Variants in TBL1XR1 observed in about 807,000 individuals in gnomAD.
TBL1XR1 encodes the protein F-box-like/WD repeat-containing protein TBL1XR1.
Under a neutral mutation model 66.9 loss-of-function variants are expected in TBL1XR1, and 5 were observed. The observed-to-expected ratio is 0.07, with a 90% confidence interval of 0.04 to 0.16. The LOEUF (loss-of-function observed/expected upper bound fraction) is 0.16, where lower values mean the gene tolerates loss of function less well. Among genes scored for constraint, TBL1XR1 ranks in the 10% least tolerant of loss-of-function variants. The pLI is 1.00. For synonymous variants in TBL1XR1, 210 were observed against 206.0 expected (o/e 1.02, Z -0.17); for missense variants, 238 against 623.2 (o/e 0.38, Z 6.58).
At chr3:177,198,637 G>A (rs1269347358), upstream of TBL1XR1, among the ~76,000 whole-genome samples, 3 of 152,130 alleles carry the variant, frequency 2.0e-5, no homozygotes, top group Non-Finnish European at 4.4e-5. Flanking sequence ...TTAGAGCTTT[G>A]TATAAGCTCA....
At chr3:177,195,471 A>ACAG in intron 1 of TBL1XR1, 1 of 57,644 alleles carries the variant, frequency 1.7e-5, no homozygotes, top group Non-Finnish European at 6.0e-5. Flanking sequence ...CAATCCCAGG[A>ACAG]AGTCGGCATT....
rs1296767117 is a variant in TBL1XR1, at chr3:177,023,265, T to C, written c.*2233A>G. ...CTAAAGGAAAATGCAGCTTAAAAGATACTCAAAACATTTGTGTCTATTCCT... is the reference window on the plus strand; with the variant it reads ...CTAAAGGAAAATGCAGCTTAAAAGACACTCAAAACATTTGTGTCTATTCCT... On this transcript the variant is annotated 3_prime_UTR_variant, in exon 16 of 16. Transcript: ENST00000457928. The C allele has an allele frequency of 6.6e-6, 1 of 152,580 alleles. No individual in the cohort carries two copies. Among genetic ancestry groups the C allele is most frequent in the Non-Finnish European group, 1.5e-5 (1 of 67,980 alleles). The allele number at this position is 152,580 out of a possible 1,614,324, so 9.5% of individuals were successfully genotyped here. A position where few individuals can be genotyped will look rare whatever the true frequency, so the allele number is the denominator to read the frequency against.
At chr3:177,058,548 A>G (rs566186274) in intron 3 of TBL1XR1, among the ~76,000 whole-genome samples, 2 of 152,242 alleles carry the variant, frequency 1.3e-5, no homozygotes, top group Non-Finnish European at 2.9e-5. Flanking sequence ...TCCAATGATC[A>G]CTATTTTAAA....
chr3:177,174,929 T>C (rs1453564954), intron 1 of TBL1XR1, among the ~76,000 whole-genome samples: 1 of 152,212 alleles, frequency 6.6e-6, no homozygotes, highest in African/African-American at 2.4e-5. Context: ...CTTTATGATA[T>C]GAGCCCTGCT....
At chr3:177,200,516 A>G (rs1737319497), upstream of TBL1XR1, among the ~76,000 whole-genome samples, 1 of 152,192 alleles carries the variant, frequency 6.6e-6, no homozygotes, top group Non-Finnish European at 1.5e-5. Flanking sequence ...TCCAGCATAA[A>G]GGATCAGGGC....
At chr3:177,134,660 C>CT (rs1728688973) in intron 1 of TBL1XR1, among the ~76,000 whole-genome samples, 2 of 152,190 alleles carry the variant, frequency 1.3e-5, no homozygotes, top group African/African-American at 4.8e-5. Flanking sequence ...TTAAGAGACT[C>CT]TGTTCCTTAA....
chr3:177,147,345 G>A (rs984444422), intron 1 of TBL1XR1, among the ~76,000 whole-genome samples: 2 of 152,070 alleles, frequency 1.3e-5, no homozygotes, highest in African/African-American at 2.4e-5. Context: ...CACGATGCCC[G>A]ACCAAGTAAA....
In TBL1XR1 at chr3:177,047,569, C is replaced by A. The variant is rs780748833; in HGVS notation, c.703-20G>T. 2 of 1,606,756 alleles carry A rather than the reference C, an allele frequency of 1.2e-6. No homozygotes were observed. Among genetic ancestry groups the A allele is most frequent in the East Asian group, 4.5e-5 (2 of 44,752 alleles). On this transcript the variant is annotated intron_variant, in intron 7 of 15. Coordinates refer to ENST00000457928, the MANE Select transcript of TBL1XR1 (RefSeq NM_024665.7). Reference sequence around the variant, plus strand: ...TTCACTCTGCCAGAGAAAAACATTTCTTTAATTATATAATCTAGATACGGT... The same window carrying A: ...TTCACTCTGCCAGAGAAAAACATTTATTTAATTATATAATCTAGATACGGT...
intron 15 of TBL1XR1, among the ~76,000 whole-genome samples, chr3:177,025,803 C>T (rs534554159): frequency 2.6e-5 from 4 of 152,128 alleles, no homozygotes; most frequent in Non-Finnish European, 5.9e-5. Context: ...ATGCTCAAAA[C>T]AGACCATTTC....
chr3:177,169,332 A>G (rs1357442494), intron 1 of TBL1XR1, among the ~76,000 whole-genome samples: 1 of 152,208 alleles, frequency 6.6e-6, no homozygotes, highest in Non-Finnish European at 1.5e-5. Context: ...TTTGAATTTT[A>G]CAATTATCTC....
At position 177,051,737 on chromosome 3, in the gene TBL1XR1, A is replaced by G. The variant is rs747992136; in HGVS notation, c.205-11T>C. ...AAACAAGGTACCATCCTGGATTTGG[A>G]AAATTGTGAGAGAAGAAAAATCAAA... On this transcript the variant is annotated splice_polypyrimidine_tract_variant and intron_variant, in intron 4 of 15. Coordinates refer to ENST00000457928, the MANE Select transcript of TBL1XR1 (RefSeq NM_024665.7). The G allele has an allele frequency of 3.1e-5, 48 of 1,527,634 alleles. 1 individual carries two copies. In the Middle Eastern group the frequency reaches 2.6e-3, roughly 83 times the overall value. The allele number at this position is 1,527,634 out of a possible 1,614,324, so 94.6% of individuals were successfully genotyped here. A position where few individuals can be genotyped will look rare whatever the true frequency, so the allele number is the denominator to read the frequency against.
chr3:177,056,914 C>G (rs944856165), intron 3 of TBL1XR1, among the ~76,000 whole-genome samples: 5 of 152,182 alleles, frequency 3.3e-5, no homozygotes, highest in African/African-American at 1.2e-4. Context: ...TTCCCCTCCT[C>G]CTCAATTCAG....
intron 1 of TBL1XR1, among the ~76,000 whole-genome samples, chr3:177,185,269 T>C (rs1341540424): frequency 1.3e-5 from 2 of 152,212 alleles, no homozygotes; most frequent in African/African-American, 4.8e-5. Context: ...ATACACACTG[T>C]ATTGCATGTG....
intron 2 of TBL1XR1, among the ~76,000 whole-genome samples, chr3:177,065,920 A>G (rs1045676280): frequency 2.6e-5 from 4 of 152,300 alleles, no homozygotes; most frequent in African/African-American, 4.8e-5. Context: ...ATTGTATCAT[A>G]AAGTATTATT....
At chr3:177,115,213 A>G (rs1236262118) in intron 1 of TBL1XR1, among the ~76,000 whole-genome samples, 1 of 152,090 alleles carries the variant, frequency 6.6e-6, no homozygotes, top group Admixed American at 6.6e-5. Flanking sequence ...TTTGACCTAT[A>G]GTATTTCATA....
chr3:177,155,095 T>C (rs1205333693), intron 1 of TBL1XR1, among the ~76,000 whole-genome samples: 3 of 152,036 alleles, frequency 2.0e-5, no homozygotes, highest in East Asian at 3.9e-4. Flanking sequence ...GTACCAAAAA[T>C]AGTAAAATGC....
At chr3:177,149,622 C>T (rs1442562351) in intron 1 of TBL1XR1, among the ~76,000 whole-genome samples, 2 of 152,112 alleles carry the variant, frequency 1.3e-5, no homozygotes, top group African/African-American at 4.8e-5. Flanking sequence ...TGCTCTGAAA[C>T]AGGAGTTGAC....
chr3:177,180,168 C>T (rs187854769), intron 1 of TBL1XR1, among the ~76,000 whole-genome samples: 12 of 133,164 alleles, frequency 9.0e-5, no homozygotes, highest in Admixed American at 6.1e-4. Context: ...ATCCGGGAGG[C>T]GTGGGTTGCA....
At chr3:177,040,955 C>T (rs985906512) in intron 10 of TBL1XR1, 6 of 152,108 alleles carry the variant, frequency 3.9e-5, no homozygotes, top group African/African-American at 1.4e-4. Flanking sequence ...ATTTAATCCT[C>T]CCTCAATCAA....
Sources: allele counts gnomAD v4.1 joint callset (sites outside exome capture counted in the v4.1 genomes callset), GRCh38; gene constraint gnomAD v4.1.1; transcripts MANE v1.5; gene names NCBI Gene and HGNC (gene_info 2026-07-23, HGNC 2026-07-21).